Variants in THTPA observed in about 807,000 individuals in gnomAD.
THTPA encodes thiamine-triphosphatase.
THTPA carries 16 observed loss-of-function variants against 16.5 expected under a neutral mutation model. The observed-to-expected ratio is 0.97, with a 90% CI of 0.66 to 1.47. The LOEUF is 1.47. Among genes scored for constraint, THTPA ranks in the 40% most tolerant of loss-of-function variants. The probability of loss-of-function intolerance (pLI) is 0.00; values close to 1 mark genes in which losing one functional copy is unlikely to be tolerated. For synonymous variants in THTPA, 110 were observed against 115.5 expected (o/e 0.95, Z 0.30); for missense variants, 281 against 280.9 (o/e 1.00, Z 0.00).
chr14:23,526,048 G>A, the THTPA span: 18 of 1,536,322 alleles, frequency 1.2e-5, no homozygotes, highest in South Asian at 8.3e-5. Flanking sequence ...CCTCTGTCTC[G>A]CCTTCCTTGG....
At chr14:23,532,878 A>G in the THTPA span, 4 of 1,536,226 alleles carry the variant, frequency 2.6e-6, no homozygotes, top group Non-Finnish European at 3.5e-6. Flanking sequence ...ACCTCCTTCC[A>G]TTCAGCTTCC....
At chr14:23,543,358 A>C in the THTPA span, 1 of 152,270 alleles carries the variant, frequency 6.6e-6, no homozygotes, top group Non-Finnish European at 1.5e-5. Flanking sequence ...ATTGGAACTC[A>C]GGTAGCCTGA....
the THTPA span, among the ~76,000 whole-genome samples, chr14:23,548,873 TTC>T: frequency 3.3e-5 from 5 of 152,220 alleles, no homozygotes; most frequent in Admixed American, 3.3e-4. Context: ...TCTCGCTCTC[TTC>T]GCATCAGTCA....
the THTPA span, chr14:23,535,223 C>CAG: frequency 6.6e-7 from 1 of 1,525,230 alleles, no homozygotes; most frequent in Non-Finnish European, 8.8e-7. The surrounding 1 kb of genome is among the most constrained non-coding windows in gnomAD (Gnocchi z 4.5). Context: ...GTGACAGGAT[C>CAG]AGAGGGGGTG....
the THTPA span, among the ~76,000 whole-genome samples, chr14:23,519,951 A>G: frequency 6.6e-6 from 1 of 152,222 alleles, no homozygotes; most frequent in African/African-American, 2.4e-5. Flanking sequence ...CAAGAGTAGT[A>G]GGAAAAACTA....
the THTPA span, chr14:23,522,889 G>A: frequency 1.3e-6 from 2 of 1,489,516 alleles, no homozygotes; most frequent in Non-Finnish European, 1.8e-6. Flanking sequence ...CCACTGTGGT[G>A]GTAGGCAGGA....
the THTPA span, chr14:23,531,511 T>C: frequency 1.4e-6 from 2 of 1,465,978 alleles, no homozygotes; most frequent in East Asian, 2.6e-5. Context: ...TGGCTGAAGC[T>C]CAGGATGCTC....
At chr14:23,542,334 CAGG>C in the THTPA span, 1 of 151,764 alleles carries the variant, frequency 6.6e-6, no homozygotes, top group Non-Finnish European at 1.5e-5. Flanking sequence ...AGGGAGCAGA[CAGG>C]AGGAGAAGGG....
At chr14:23,534,378 C>G in the THTPA span, 6 of 1,536,790 alleles carry the variant, frequency 3.9e-6, no homozygotes, top group South Asian at 7.1e-5. This position sits in a 1 kb window ranked among gnomAD's most constrained non-coding sequence, Gnocchi z 4.5. Context: ...GGGCCACATT[C>G]GCCTCCATGT....
At chr14:23,545,080 A>G in the THTPA span, among the ~76,000 whole-genome samples, 1,160 of 149,984 alleles carry the variant, frequency 7.7e-3, 6 homozygotes, top group Middle Eastern at 0.024. Context: ...CCATTTCTCC[A>G]TCCTCTTTTC....
chr14:23,552,913 CTAA>C (rs1476493087), upstream of THTPA, among the ~76,000 whole-genome samples: 1 of 151,938 alleles, frequency 6.6e-6, no homozygotes, highest in Non-Finnish European at 1.5e-5. Flanking sequence ...CTCCTGTATT[CTAA>C]TAATAATTTT....
chr14:23,530,122 A>C, the THTPA span: 1 of 1,535,932 alleles, frequency 6.5e-7, no homozygotes, highest in Non-Finnish European at 8.7e-7. Flanking sequence ...AAACTCACCC[A>C]ATTGTTCTGT....
the THTPA span, among the ~76,000 whole-genome samples, chr14:23,515,264 C>T: frequency 6.6e-6 from 1 of 152,108 alleles, no homozygotes; most frequent in Admixed American, 6.5e-5. Context: ...TGCCTTGTGC[C>T]TTGTGATTTG....
At chr14:23,548,849 C>T in the THTPA span, among the ~76,000 whole-genome samples, 13 of 152,270 alleles carry the variant, frequency 8.5e-5, no homozygotes, top group South Asian at 2.1e-4. Context: ...AACCCCCCGG[C>T]GCCCCCGCAG....
the THTPA span, chr14:23,533,464 G>C: frequency 6.5e-7 from 1 of 1,535,194 alleles, no homozygotes; most frequent in Non-Finnish European, 8.7e-7. The surrounding 1 kb of genome is among the most constrained non-coding windows in gnomAD (Gnocchi z 4.8). Context: ...GGTAGCCCCT[G>C]GTGGGGGAGG....
the THTPA span, chr14:23,548,255 T>G: frequency 1.3e-5 from 2 of 152,314 alleles, no homozygotes; most frequent in Non-Finnish European, 2.9e-5. Flanking sequence ...CTTAGGTTCC[T>G]TCCTCTTGCT....
chr14:23,546,819 A>C, the THTPA span, among the ~76,000 whole-genome samples: 5 of 151,810 alleles, frequency 3.3e-5, no homozygotes, highest in Non-Finnish European at 5.9e-5. This position sits in a 1 kb window ranked among gnomAD's most constrained non-coding sequence, Gnocchi z 4.7. Flanking sequence ...GAGCTGCCCA[A>C]CTCCGTGGCG....
At chr14:23,549,471 T>A in the THTPA span, among the ~76,000 whole-genome samples, 27 of 152,284 alleles carry the variant, frequency 1.8e-4, no homozygotes, top group East Asian at 5.0e-3. Context: ...CCACCCTTAC[T>A]GTTCTTCAGG....
the THTPA span, chr14:23,521,802 G>A: frequency 2.3e-6 from 3 of 1,277,680 alleles, no homozygotes; most frequent in South Asian, 4.7e-5. Flanking sequence ...TCTGCTGGAA[G>A]TGGGGTGTGT....
Sources: allele counts gnomAD v4.1 joint callset (sites outside exome capture counted in the v4.1 genomes callset), GRCh38; gene constraint gnomAD v4.1.1; non-coding constraint Gnocchi (gnomAD v3.1); transcripts MANE v1.5; gene names NCBI Gene and HGNC (gene_info 2026-07-23, HGNC 2026-07-21).